The following SPAG1 variants were observed in gnomAD, a reference collection of about 807,000 sequenced individuals.
SPAG1 encodes sperm-associated antigen 1.
In SPAG1, 69 loss-of-function variants were observed where a neutral mutation model predicts 100.5. The observed-to-expected ratio is 0.69, with a 90% confidence interval of 0.57 to 0.84. The LOEUF is 0.84. Among genes scored for constraint, SPAG1 ranks in the 40% least tolerant of loss-of-function variants. The pLI, the probability that SPAG1 is intolerant of heterozygous loss-of-function variation, is 0.00. For missense variants in SPAG1, 955 were observed against 1,133.1 expected, an observed-to-expected ratio of 0.84 and a Z score of 2.26; for synonymous variants, 336 against 411.6, an observed-to-expected ratio of 0.82 and a Z score of 2.22.
chr8:100,203,489 A>C (rs987441951), intron 10 of SPAG1, among the ~76,000 whole-genome samples: 9 of 152,158 alleles, frequency 5.9e-5, no homozygotes, highest in Non-Finnish European at 1.2e-4. Flanking sequence ...GATTAGACCC[A>C]AAAATGCTAA....
At chr8:100,185,406 C>G (rs1247424730) in intron 7 of SPAG1, among the ~76,000 whole-genome samples, 1 of 152,158 alleles carries the variant, frequency 6.6e-6, no homozygotes, top group Non-Finnish European at 1.5e-5. Context: ...ACCTCACCTC[C>G]CAATTTATAG....
At chr8:100,221,859 C>A (rs1818296658) in intron 13 of SPAG1, among the ~76,000 whole-genome samples, 1 of 152,234 alleles carries the variant, frequency 6.6e-6, no homozygotes, top group African/African-American at 2.4e-5. Flanking sequence ...CTTACCTTCC[C>A]ATGTGGTCCC....
At position 100,194,092 on chromosome 8, in the gene SPAG1, A is replaced by G; in HGVS notation, c.940-20A>G. The G allele has an allele frequency of 7.4e-7, 1 of 1,353,840 alleles. No individual in the cohort carries two copies. The highest frequency in any genetic ancestry group is 1.0e-6 in the Non-Finnish European group (1 of 988,000). The allele number at this position is 1,353,840 out of a possible 1,614,324, so 83.9% of individuals were successfully genotyped here. A position where few individuals can be genotyped will look rare whatever the true frequency, so the allele number is the denominator to read the frequency against. ...TTATTAGAGGAAAATATTTTCTTTA[A>G]TATGGTAATTATGTTGCAGAAAACC... On this transcript the variant is annotated intron_variant, in intron 9 of 18. Coordinates refer to ENST00000388798, the MANE Select transcript of SPAG1 (RefSeq NM_003114.5).
chr8:100,186,540 G>C (rs1322311029), intron 7 of SPAG1, among the ~76,000 whole-genome samples: 1 of 152,012 alleles, frequency 6.6e-6, no homozygotes, highest in Admixed American at 6.6e-5. Flanking sequence ...TCTAAAGCCT[G>C]AGTTAACTTT....
chr8:100,229,347 C>G, intron 14 of SPAG1, among the ~76,000 whole-genome samples: 1 of 152,124 alleles, frequency 6.6e-6, no homozygotes, highest in Non-Finnish European at 1.5e-5. Context: ...GTGAACCCGG[C>G]AGGTGGAGCT....
In SPAG1 at chr8:100,241,089, G is replaced by A. The variant is rs1284316825; in HGVS notation, c.*67G>A. 1.2e-4 allele frequency: 189 copies of A among 1,540,156 alleles called. 1 individual carries two copies. The highest frequency in any genetic ancestry group is 2.6e-6 in the Non-Finnish European group (3 of 1,134,250). On this transcript the variant is annotated 3_prime_UTR_variant, in exon 19 of 19. Coordinates refer to ENST00000388798, the MANE Select transcript of SPAG1 (RefSeq NM_003114.5). This position sits in a 1 kb window ranked among gnomAD's most constrained non-coding sequence, Gnocchi z 5.1. ...CCAGGAATGTTAATGAGATGGTATTGTAAAAGAGTTGCATGGATAAAACTT... is the reference window on the plus strand; with the variant it reads ...CCAGGAATGTTAATGAGATGGTATTATAAAAGAGTTGCATGGATAAAACTT...
intron 13 of SPAG1, among the ~76,000 whole-genome samples, chr8:100,224,613 AAG>A (rs1351037547): frequency 1.3e-5 from 2 of 152,234 alleles, no homozygotes; most frequent in Admixed American, 1.3e-4. Flanking sequence ...CAGAGCAAGA[AAG>A]AGTATCTTAA....
intron 14 of SPAG1, among the ~76,000 whole-genome samples, chr8:100,226,928 T>C (rs965891008): frequency 6.6e-6 from 1 of 152,242 alleles, no homozygotes; most frequent in Non-Finnish European, 1.5e-5. Flanking sequence ...AAAGGTACTA[T>C]ACTCTTACTG....
chr8:100,194,358 A>G, intron 10 of SPAG1, 90 bp downstream of exon 10: 1 of 1,533,548 alleles, frequency 6.5e-7, no homozygotes, highest in Middle Eastern at 1.7e-4. Context: ...AGAAATTCGT[A>G]ATCTATCAGT....
chr8:100,239,169 C>G lies in SPAG1; in HGVS notation c.2116-71C>G. On this transcript the variant is annotated intron_variant, in intron 16 of 18. Coordinates refer to ENST00000388798, the MANE Select transcript of SPAG1 (RefSeq NM_003114.5). This position sits in a 1 kb window ranked among gnomAD's most constrained non-coding sequence, Gnocchi z 5.0. ...TACTGCACAGCTCACTACATCCACC[C>G]CACTCCCACTCAGGTTACTCTAGGC... is the stretch of plus-strand genomic sequence containing the variant. 1 of 923,960 alleles carries G rather than the reference C, an allele frequency of 1.1e-6. No homozygotes were observed. The highest frequency in any genetic ancestry group is 2.6e-5 in the East Asian group (1 of 38,978). The allele number at this position is 923,960 out of a possible 1,614,324, so 57.2% of individuals were successfully genotyped here.
At chr8:100,165,727 G>T in intron 2 of SPAG1, 87 bp from the exon 3 acceptor site, 1 of 1,064,248 alleles carries the variant, frequency 9.4e-7, no homozygotes, top group South Asian at 1.6e-5. Flanking sequence ...AGAACCTCAG[G>T]GTTCCATGGA....
intron 10 of SPAG1, among the ~76,000 whole-genome samples, chr8:100,207,893 C>A (rs1817572988): frequency 6.6e-6 from 1 of 152,162 alleles, no homozygotes; most frequent in Non-Finnish European, 1.5e-5. Flanking sequence ...GTCACAATTA[C>A]AAAATCAACT....
intron 12 of SPAG1, 99 bp from the exon 13 acceptor site, chr8:100,220,180 C>T (rs1818196282): frequency 2.0e-6 from 2 of 1,010,418 alleles, no homozygotes; most frequent in Non-Finnish European, 2.9e-6. Context: ...CGGATGTGTA[C>T]ATATTTGAGA....
chr8:100,228,696 G>C (rs1020049607), intron 14 of SPAG1, among the ~76,000 whole-genome samples: 2 of 151,986 alleles, frequency 1.3e-5, no homozygotes, highest in Admixed American at 6.6e-5. Context: ...CTGGGCGACA[G>C]AGCCAGACCC....
intron 10 of SPAG1, among the ~76,000 whole-genome samples, chr8:100,203,477 A>G (rs1419098243): frequency 6.6e-6 from 1 of 152,206 alleles, no homozygotes; most frequent in Non-Finnish European, 1.5e-5. Flanking sequence ...GCTACTTAAT[A>G]TGATTAGACC....
At chr8:100,175,283 T>TC (rs1201734991) in intron 3 of SPAG1, among the ~76,000 whole-genome samples, 2 of 144,728 alleles carry the variant, frequency 1.4e-5, no homozygotes, top group African/African-American at 5.0e-5. Flanking sequence ...GCAGTGAAGT[T>TC]CTTTTTTTTT....
In SPAG1 at chr8:100,231,105, A is replaced by G. The variant is rs148150196; in HGVS notation, c.1856-51A>G. On this transcript the variant is annotated intron_variant, in intron 14 of 18. Transcript: ENST00000388798. ...TACTTATAGTTGTACTTAAGATTTT[A>G]TAGAGGTGCTTGTACAGATACTTCC... 16 of 1,501,486 alleles carry G rather than the reference A, an allele frequency of 1.1e-5. No individual in the cohort carries two copies. In the African/African-American group the frequency reaches 2.2e-4, roughly 21 times the overall value. 93.0% of individuals were successfully genotyped at this position (1,501,486 alleles called of 1,614,324 possible).
chr8:100,241,110 A>C lies in SPAG1; in HGVS notation c.*88A>C. 1 of 1,445,970 alleles carries C rather than the reference A, an allele frequency of 6.9e-7. No homozygotes were observed. Among genetic ancestry groups the C allele is most frequent in the Non-Finnish European group, 9.4e-7 (1 of 1,068,870 alleles). 89.6% of individuals were successfully genotyped at this position (1,445,970 alleles called of 1,614,324 possible). On this transcript the variant is annotated 3_prime_UTR_variant, in exon 19 of 19. Transcript: ENST00000388798. The surrounding 1 kb of genome is among the most constrained non-coding windows in gnomAD (Gnocchi z 5.1). ...TATTGTAAAAGAGTTGCATGGATAA[A>C]ACTTGGCCTAGAAAAGTTTGGTCTG...
intron 16 of SPAG1, among the ~76,000 whole-genome samples, chr8:100,237,790 A>G (rs1161857363): frequency 6.6e-6 from 1 of 151,862 alleles, no homozygotes; most frequent in Non-Finnish European, 1.5e-5. Context: ...TTGTTTTCTT[A>G]TGTCTCTTCC....
Sources: gnomAD v4.1 joint callset for allele counts (sites outside exome capture counted in the v4.1 genomes callset) on GRCh38, gnomAD v4.1.1 for gene constraint, Gnocchi (gnomAD v3.1) non-coding constraint, MANE v1.5 for transcripts, NCBI Gene and HGNC (gene_info 2026-07-23, HGNC 2026-07-21) for gene names.